The following RNF144A variants were observed in gnomAD, a reference collection of about 807,000 sequenced individuals.
The protein encoded by RNF144A is ring finger protein 144A, also known as E3 ubiquitin-protein ligase RNF144A.
A neutral mutation model predicts 38.7 loss-of-function variants in RNF144A; 11 were observed. The observed-to-expected ratio is 0.28, with a 90% CI of 0.18 to 0.47. The LOEUF is 0.47. RNF144A is among the 20% of genes least tolerant of loss of function. The pLI, the probability that RNF144A is intolerant of heterozygous loss-of-function variation, is 0.99. For missense variants in RNF144A, 316 were observed against 377.2 expected (o/e 0.84, Z 1.34); for synonymous variants, 149 against 143.9 (o/e 1.04, Z -0.25).
intron 8 of RNF144A, among the ~76,000 whole-genome samples, chr2:7,031,744 C>T (rs544924270): frequency 1.5e-4 from 23 of 152,378 alleles, no homozygotes; most frequent in African/African-American, 4.6e-4. Flanking sequence ...ATGCCGACCA[C>T]GTGGCAGAGC....
intron 1 of RNF144A, chr2:6,918,658 G>C (rs1450741470): frequency 6.7e-6 from 1 of 150,050 alleles, no homozygotes; most frequent in Non-Finnish European, 1.5e-5. Flanking sequence ...CAGCTACTCG[G>C]GAGGCTGAGG....
rs1399253897 is a variant in RNF144A, at chr2:6,943,295, G to A, written c.-12+2148G>A. ...AGAGGGAACAACCAGGGAGGAAGCG[G>A]GGGAACCAGGAGCATGGAGAGGACT... On this transcript the variant is annotated intron_variant, in intron 2 of 8. Transcript: ENST00000320892. The surrounding 1 kb of genome is among the most constrained non-coding windows in gnomAD (Gnocchi z 4.3). 6.6e-6 allele frequency among the ~76,000 whole-genome samples: 1 copy of A among 152,194 alleles called. No homozygotes were observed. The highest frequency in any genetic ancestry group is 2.4e-5 in the African/African-American group (1 of 41,454).
In RNF144A at chr2:7,003,123, A is replaced by G. The variant is rs538532848; in HGVS notation, c.135+6062A>G. Among the ~76,000 whole-genome samples the G allele has an allele frequency of 2.6e-4, 39 of 151,950 alleles. 1 individual carries two copies. Among genetic ancestry groups the G allele is most frequent in the East Asian group, 5.8e-4 (3 of 5,188 alleles). ...TATATATACACATATATATATTTGT[A>G]CAGCTGTGTTCGTATTTTAGGCTAA... On this transcript the variant is annotated intron_variant, in intron 3 of 8. Transcript: ENST00000320892.
chr2:7,068,534 T>C (rs1674329929), downstream of RNF144A, among the ~76,000 whole-genome samples: 2 of 152,194 alleles, frequency 1.3e-5, no homozygotes, highest in South Asian at 4.1e-4. Context: ...CATTGATATG[T>C]TCATCCAGGT....
At chr2:6,918,911 G>T (rs1026298536) in intron 1 of RNF144A, among the ~76,000 whole-genome samples, 2 of 152,148 alleles carry the variant, frequency 1.3e-5, no homozygotes, top group African/African-American at 2.4e-5. Flanking sequence ...GTGAGAGGGG[G>T]TCTAGCTCCT....
chr2:6,927,600 G>A (rs1251695205), intron 1 of RNF144A, among the ~76,000 whole-genome samples: 2 of 152,240 alleles, frequency 1.3e-5, no homozygotes, highest in African/African-American at 4.8e-5. Context: ...ACCTGAGCCA[G>A]GCTGTCCTCT....
At chr2:6,974,904 C>T (rs1349555504) in intron 2 of RNF144A, among the ~76,000 whole-genome samples, 2 of 152,068 alleles carry the variant, frequency 1.3e-5, no homozygotes, top group Non-Finnish European at 2.9e-5. Context: ...ATTTCCTAAC[C>T]TTCTTTGAGT....
At chr2:6,936,394 GATGC>G (rs1432707841) in intron 1 of RNF144A, among the ~76,000 whole-genome samples, 1 of 152,154 alleles carries the variant, frequency 6.6e-6, no homozygotes, top group Non-Finnish European at 1.5e-5. Context: ...TGCATCTATA[GATGC>G]ATGTGTGTGT....
At chr2:6,993,049 A>G (rs1669496718) in intron 2 of RNF144A, among the ~76,000 whole-genome samples, 1 of 152,234 alleles carries the variant, frequency 6.6e-6, no homozygotes, top group South Asian at 2.1e-4. Context: ...TCTGATTGCA[A>G]GTTCGCAGCT....
At chr2:6,968,229 G>A (rs1448594351) in intron 2 of RNF144A, among the ~76,000 whole-genome samples, 1 of 152,190 alleles carries the variant, frequency 6.6e-6, no homozygotes, top group East Asian at 1.9e-4. Flanking sequence ...GCTAGGGGAG[G>A]TATGTTCTAA....
At chr2:6,939,340 G>A (rs1470545885) in intron 1 of RNF144A, among the ~76,000 whole-genome samples, 1 of 152,224 alleles carries the variant, frequency 6.6e-6, no homozygotes, top group Non-Finnish European at 1.5e-5. Context: ...GGTTAGTCAT[G>A]TAGAGCAATT....
chr2:7,058,563 A>G (rs1673831820), intron 6 of RNF144A, among the ~76,000 whole-genome samples: 1 of 152,152 alleles, frequency 6.6e-6, no homozygotes, highest in East Asian at 1.9e-4. Context: ...ATTTCTAAAT[A>G]TTTCTCTAGG....
In RNF144A at chr2:7,064,262, A is replaced by AAAAC. The variant is rs1222158179; in HGVS notation, c.735-3951_735-3948dup. On this transcript the variant is annotated intron_variant, in intron 6 of 6. Transcript: ENST00000432850. ...AAAATCATAGCAGATGAGAAAGGAG[A>AAAAC]AAACAAGAGTCTAGGAGGCAGGATT... Among the ~76,000 whole-genome samples, 13 of 152,246 alleles carry AAAAC rather than the reference A, an allele frequency of 8.5e-5. 1 individual carries two copies. The highest frequency in any genetic ancestry group is 3.1e-4 in the African/African-American group (13 of 41,550).
At chr2:6,972,189 CTCT>C (rs1252800783) in intron 2 of RNF144A, among the ~76,000 whole-genome samples, 2 of 152,158 alleles carry the variant, frequency 1.3e-5, no homozygotes, top group East Asian at 3.9e-4. Context: ...GGTCTGCCTC[CTCT>C]TCTTTCCCTC....
At chr2:6,924,527 C>G (rs1032360086) in intron 1 of RNF144A, among the ~76,000 whole-genome samples, 1 of 151,910 alleles carries the variant, frequency 6.6e-6, no homozygotes, top group African/African-American at 2.4e-5. Context: ...TCTGAGCTGT[C>G]CCAGAGCAGG....
At chr2:7,017,708 C>G (rs1471986469) in intron 5 of RNF144A, among the ~76,000 whole-genome samples, 1 of 152,142 alleles carries the variant, frequency 6.6e-6, no homozygotes, top group African/African-American at 2.4e-5. Flanking sequence ...ATATCATTTG[C>G]TTTGTTTGAA....
intron 3 of RNF144A, among the ~76,000 whole-genome samples, chr2:6,997,357 A>C (rs2292931): frequency 6.6e-6 from 1 of 152,050 alleles, no homozygotes; most frequent in African/African-American, 2.4e-5. Flanking sequence ...CTTGCTACAC[A>C]GCAAAAGCTT....
At chr2:7,028,555 T>G (rs1265319568) in intron 7 of RNF144A, among the ~76,000 whole-genome samples, 2 of 152,292 alleles carry the variant, frequency 1.3e-5, no homozygotes, top group East Asian at 3.9e-4. Context: ...GGATTTGGTT[T>G]GCGTTTCAGA....
chr2:6,989,860 A>T (rs1166537235), intron 2 of RNF144A, among the ~76,000 whole-genome samples: 1 of 152,062 alleles, frequency 6.6e-6, no homozygotes, highest in Non-Finnish European at 1.5e-5. Context: ...CATACAGTAG[A>T]TACCCTTTTC....
Sources: gnomAD v4.1 joint callset for allele counts (sites outside exome capture counted in the v4.1 genomes callset) on GRCh38, gnomAD v4.1.1 for gene constraint, Gnocchi (gnomAD v3.1) non-coding constraint, MANE v1.5 for transcripts, NCBI Gene and HGNC (gene_info 2026-07-23, HGNC 2026-07-21) for gene names.